The following GNG2 variants were observed in gnomAD, a reference collection of about 807,000 sequenced individuals.
The protein encoded by GNG2 is G protein subunit gamma 2.
Under a neutral mutation model 5.5 loss-of-function variants are expected in GNG2, and 5 were observed. The observed-to-expected ratio is 0.91, with a 90% CI of 0.48 to 1.92. GNG2 has a LOEUF of 1.92. GNG2 is among the 30% of genes most tolerant of loss of function. GNG2 has a pLI of 0.01. For missense variants in GNG2, 55 were observed against 88.4 expected, an observed-to-expected ratio of 0.62 and a Z score of 1.52; for synonymous variants, 28 against 32.0, an observed-to-expected ratio of 0.88 and a Z score of 0.42.
chr14:51,938,290 T>C (rs1346460587), intron 2 of GNG2, among the ~76,000 whole-genome samples: 1 of 152,230 alleles, frequency 6.6e-6, no homozygotes, highest in Non-Finnish European at 1.5e-5. Flanking sequence ...GATTTTTCCC[T>C]TTGCCATTCT....
At chr14:51,876,883 T>C (rs1883710725) in intron 1 of GNG2, among the ~76,000 whole-genome samples, 2 of 152,204 alleles carry the variant, frequency 1.3e-5, no homozygotes, top group Admixed American at 1.3e-4. Context: ...AAAATAGGAA[T>C]GGGAAAGTGT....
At chr14:51,940,635 G>A (rs540326792) in intron 2 of GNG2, among the ~76,000 whole-genome samples, 2 of 151,850 alleles carry the variant, frequency 1.3e-5, no homozygotes, top group Admixed American at 1.3e-4. Context: ...GAGTGTGCAA[G>A]GTGGATTCCA....
chr14:51,917,912 G>C (rs1886747278), intron 2 of GNG2, among the ~76,000 whole-genome samples: 1 of 151,946 alleles, frequency 6.6e-6, no homozygotes, highest in Non-Finnish European at 1.5e-5. Context: ...TGTAGTCCCA[G>C]CTACTCGGGA....
At chr14:51,892,675 T>C (rs1006676879) in intron 2 of GNG2, among the ~76,000 whole-genome samples, 3 of 152,210 alleles carry the variant, frequency 2.0e-5, no homozygotes, top group African/African-American at 7.2e-5. Context: ...TAAAAAGATA[T>C]AGGAAGAAGC....
At chr14:51,853,585 G>A (rs1372814938) in intron 2 of GNG2, among the ~76,000 whole-genome samples, 1 of 152,126 alleles carries the variant, frequency 6.6e-6, no homozygotes, top group Admixed American at 6.5e-5. Context: ...CCTATTTACT[G>A]ACAAAATAGA....
chr14:51,926,099 G>T (rs924340134), intron 2 of GNG2, among the ~76,000 whole-genome samples: 1 of 151,392 alleles, frequency 6.6e-6, no homozygotes, highest in Non-Finnish European at 1.5e-5. Flanking sequence ...ACATTGAGAC[G>T]GTAAAGTGTC....
intron 2 of GNG2, among the ~76,000 whole-genome samples, chr14:51,942,571 C>A (rs113952668): frequency 1.8e-5 from 1 of 55,644 alleles, no homozygotes; most frequent in African/African-American, 7.0e-5. Flanking sequence ...TTTATTTTTT[C>A]TCTTTCTTTC....
chr14:51,940,762 T>G (rs1488938519), intron 2 of GNG2, among the ~76,000 whole-genome samples: 2 of 152,166 alleles, frequency 1.3e-5, no homozygotes, highest in Non-Finnish European at 2.9e-5. Flanking sequence ...TAGTGTTTGC[T>G]GATTAGTAGA....
chr14:51,929,293 G>A (rs181606698), intron 2 of GNG2, among the ~76,000 whole-genome samples: 3 of 152,168 alleles, frequency 2.0e-5, no homozygotes, highest in African/African-American at 4.8e-5. Flanking sequence ...ATGGGGCCAC[G>A]GACTGTTTCT....
intron 2 of GNG2, among the ~76,000 whole-genome samples, chr14:51,833,156 G>T (rs1953868): frequency 0.5 from 75,726 of 152,000 alleles, 19,475 homozygotes; most frequent in Middle Eastern, 0.57. Context: ...AAGAAAGATA[G>T]ATAATGAATA....
chr14:51,862,523 A>G (rs1282362259), intron 1 of GNG2, among the ~76,000 whole-genome samples: 1 of 152,258 alleles, frequency 6.6e-6, no homozygotes, highest in African/African-American at 2.4e-5. Context: ...AGCTGCATGG[A>G]TAAGGACAGG....
At chr14:51,901,092 T>C (rs904861297) in intron 2 of GNG2, among the ~76,000 whole-genome samples, 1 of 152,268 alleles carries the variant, frequency 6.6e-6, no homozygotes, top group African/African-American at 2.4e-5. Flanking sequence ...AGCATTTGTT[T>C]TGGGATATCC....
chr14:51,896,241 A>G (rs899100073), intron 2 of GNG2, among the ~76,000 whole-genome samples: 1 of 152,202 alleles, frequency 6.6e-6, no homozygotes, highest in African/African-American at 2.4e-5. Context: ...CTAAAACGTA[A>G]AAGGAAGAGA....
At chr14:51,886,638 G>A (rs1479632359) in intron 2 of GNG2, among the ~76,000 whole-genome samples, 2 of 152,218 alleles carry the variant, frequency 1.3e-5, no homozygotes, top group African/African-American at 4.8e-5. Context: ...TTGGCCTGAG[G>A]TATGAGGACA....
chr14:51,929,968 G>A (rs142621768), intron 2 of GNG2, among the ~76,000 whole-genome samples: 175 of 152,176 alleles, frequency 1.1e-3, no homozygotes, highest in African/African-American at 3.9e-3. Context: ...TAAGTTCACC[G>A]GTAATAAAAA....
chr14:51,924,933 C>G (rs1887219612), intron 2 of GNG2, among the ~76,000 whole-genome samples: 1 of 152,220 alleles, frequency 6.6e-6, no homozygotes, highest in Admixed American at 6.5e-5. Flanking sequence ...AAGCACTGGA[C>G]ATGAACCATC....
chr14:51,874,283 G>A (rs1232922047), intron 1 of GNG2, among the ~76,000 whole-genome samples: 2 of 151,968 alleles, frequency 1.3e-5, no homozygotes, highest in Admixed American at 1.3e-4. Flanking sequence ...AAATTAGCCG[G>A]GCGTGGTGGT....
chr14:51,916,243 CAG>C, intron 2 of GNG2: 4 of 259,174 alleles, frequency 1.5e-5, no homozygotes, highest in South Asian at 1.4e-4. Flanking sequence ...TAATTTTAGA[CAG>C]AGAGCCATAT....
In GNG2 at chr14:51,936,467, T is replaced by C. The variant is rs1223194306; in HGVS notation, c.-29-14183T>C. Among the ~76,000 whole-genome samples the C allele has an allele frequency of 2.0e-5, 3 of 151,780 alleles. No individual in the cohort carries two copies. The East Asian group carries it at 5.8e-4, about 29-fold the overall frequency. On this transcript the variant is annotated intron_variant, in intron 2 of 3. Coordinates refer to ENST00000556766, the MANE Select transcript of GNG2 (RefSeq NM_053064.5). ...AATAGCTTCTGCAATCATGGTAGCT[T>C]AGGAACTATATATACACAGTTGTCA...
Sources: gnomAD v4.1 joint callset for allele counts (sites outside exome capture counted in the v4.1 genomes callset) on GRCh38, gnomAD v4.1.1 for gene constraint, MANE v1.5 for transcripts, NCBI Gene and HGNC (gene_info 2026-07-23, HGNC 2026-07-21) for gene names.